RARB: variants seen among roughly 807,000 people sequenced by gnomAD.
RARB encodes HBV-activated protein.
A neutral mutation model predicts 51.9 loss-of-function variants in RARB; 17 were observed. The ratio of observed to expected loss-of-function variants is 0.33; its 90% CI spans 0.22 to 0.49. RARB has a LOEUF of 0.49. Among genes scored for constraint, RARB ranks in the 20% least tolerant of loss-of-function variants. The probability of loss-of-function intolerance (pLI) is 0.99; values close to 1 mark genes in which losing one functional copy is unlikely to be tolerated. For synonymous variants in RARB, 215 were observed against 195.4 expected, an observed-to-expected ratio of 1.10 and a Z score of -0.84; for missense variants, 369 against 550.8, an observed-to-expected ratio of 0.67 and a Z score of 3.30.
chr3:25,071,219 A>G (rs2125308479), intron 3 of RARB, among the ~76,000 whole-genome samples: 1 of 152,352 alleles, frequency 6.6e-6, no homozygotes, highest in Non-Finnish European at 1.5e-5. Context: ...ATATTTATGG[A>G]ATGAATGAAT....
intron 5 of RARB, among the ~76,000 whole-genome samples, chr3:25,339,586 T>G (rs1705162848): frequency 1.3e-5 from 2 of 151,850 alleles, no homozygotes; most frequent in African/African-American, 2.4e-5. Flanking sequence ...CTGAAGTTTT[T>G]TTTTTTTTTT....
chr3:24,888,715 A>G (rs1420125240), intron 2 of RARB, among the ~76,000 whole-genome samples: 1 of 152,198 alleles, frequency 6.6e-6, no homozygotes. Flanking sequence ...ATTGATGGAT[A>G]TAAATATGTC....
chr3:24,883,177 A>G (rs1703201872), intron 2 of RARB, among the ~76,000 whole-genome samples: 1 of 152,202 alleles, frequency 6.6e-6, no homozygotes. Flanking sequence ...AAGCCAGTCA[A>G]TTAAAGCTGA....
intron 2 of RARB, among the ~76,000 whole-genome samples, chr3:24,972,772 T>C (rs1247216691): frequency 1.3e-5 from 2 of 152,072 alleles, no homozygotes; most frequent in African/African-American, 4.8e-5. Context: ...ATATACCCCG[T>C]GGCCATTTGT....
At chr3:25,123,373 C>T (rs901044890) in intron 3 of RARB, among the ~76,000 whole-genome samples, 2 of 152,194 alleles carry the variant, frequency 1.3e-5, no homozygotes, top group Non-Finnish European at 2.9e-5. Flanking sequence ...ATGATTTCCT[C>T]AAAATCATAG....
At chr3:25,502,821 A>C (rs966192083) in intron 3 of RARB, among the ~76,000 whole-genome samples, 1 of 152,222 alleles carries the variant, frequency 6.6e-6, no homozygotes, top group Non-Finnish European at 1.5e-5. Flanking sequence ...AGGACAAAGC[A>C]TGCACTGTAG....
intron 2 of RARB, among the ~76,000 whole-genome samples, chr3:24,921,583 T>C (rs1695217527): frequency 6.6e-6 from 1 of 152,100 alleles, no homozygotes; most frequent in Non-Finnish European, 1.5e-5. Context: ...GATCAACCTT[T>C]CTTCTTTTCT....
At chr3:25,434,479 A>G (rs1006033218) in intron 1 of RARB, among the ~76,000 whole-genome samples, 3 of 151,712 alleles carry the variant, frequency 2.0e-5, no homozygotes, top group African/African-American at 7.3e-5. Context: ...CTCTCCATAT[A>G]GAACAAAACG....
chr3:25,531,458 T>A (rs928292453), intron 3 of RARB, among the ~76,000 whole-genome samples: 1 of 152,096 alleles, frequency 6.6e-6, no homozygotes, highest in Non-Finnish European at 1.5e-5. Context: ...TATATATGTG[T>A]GTTTGTGTGT....
rs573202997 is a variant in RARB at position 25,597,600 on chromosome 3, T to C, written c.*984T>C. Reference sequence around the variant, plus strand: ...TCATGCCTGATATTGGGATTTTTTTTTCCAGCCTTCTTGATGCCAAGGGGC... The same window carrying C: ...TCATGCCTGATATTGGGATTTTTTTCTCCAGCCTTCTTGATGCCAAGGGGC... On this transcript the variant is annotated 3_prime_UTR_variant, in exon 8 of 8. Coordinates refer to ENST00000330688, the MANE Select transcript of RARB (RefSeq NM_000965.5). 6.6e-6 allele frequency: 1 copy of C among 152,650 alleles called. No homozygotes were observed. Among genetic ancestry groups the C allele is most frequent in the Non-Finnish European group, 1.5e-5 (1 of 68,020 alleles). 9.5% of individuals were successfully genotyped at this position (152,650 alleles called of 1,614,324 possible).
Position 25,071,423 on chromosome 3 carries a change from T to G in RARB, c.-328+11247T>G, listed in dbSNP as rs148326396. Among the ~76,000 whole-genome samples, 656 of 152,274 alleles carry G rather than the reference T, an allele frequency of 4.3e-3. 3 individuals carry two copies. Among genetic ancestry groups the G allele is most frequent in the Non-Finnish European group, 6.7e-3 (453 of 68,018 alleles). ...ACCAGAAGGAGAAGTAATATATCTT[T>G]CCCTCCACACCCAAACTAACACTCA... On this transcript the variant is annotated intron_variant, in intron 3 of 11. Coordinates refer to the RARB transcript ENST00000383772.
At chr3:25,087,846 G>T (rs1699129710) in intron 3 of RARB, among the ~76,000 whole-genome samples, 1 of 151,472 alleles carries the variant, frequency 6.6e-6, no homozygotes, top group South Asian at 2.1e-4. Context: ...TGCTTGCTTT[G>T]CCCTGTGATG....
At chr3:25,096,598 G>A (rs1489510336) in intron 3 of RARB, among the ~76,000 whole-genome samples, 1 of 152,072 alleles carries the variant, frequency 6.6e-6, no homozygotes, top group Non-Finnish European at 1.5e-5. Flanking sequence ...GTTTCCCTCA[G>A]GTAGTGAGGA....
chr3:25,205,513 T>C (rs67076259), intron 5 of RARB, among the ~76,000 whole-genome samples: 21,894 of 152,076 alleles, frequency 0.14, 1,717 homozygotes, highest in Non-Finnish European at 0.17. Context: ...TCTTCTGCGT[T>C]GCTCACTCTG....
chr3:24,853,522 T>C (rs187076885), intron 1 of RARB, among the ~76,000 whole-genome samples: 29 of 152,294 alleles, frequency 1.9e-4, no homozygotes, highest in Admixed American at 1.8e-3. Flanking sequence ...CAGCAAGCTT[T>C]ACCCTGAAAC....
At chr3:25,298,588 C>A (rs1008780452) in intron 5 of RARB, among the ~76,000 whole-genome samples, 1 of 151,988 alleles carries the variant, frequency 6.6e-6, no homozygotes, top group Non-Finnish European at 1.5e-5. Context: ...GTTAAGCTGG[C>A]CTCTAATTTT....
intron 5 of RARB, among the ~76,000 whole-genome samples, chr3:25,201,878 T>G (rs1377391381): frequency 1.4e-5 from 2 of 144,544 alleles, no homozygotes; most frequent in Non-Finnish European, 3.0e-5. Flanking sequence ...TCAGGGATAT[T>G]GGTCTACAAT....
rs1369460762 is a variant in RARB, at chr3:25,034,903, C to T, written c.-379-25222C>T. 5.3e-5 allele frequency among the ~76,000 whole-genome samples: 8 copies of T among 152,222 alleles called. No homozygotes were observed. In the East Asian group the frequency reaches 9.6e-4, roughly 18 times the overall value. On this transcript the variant is annotated intron_variant, in intron 2 of 11. Coordinates refer to the RARB transcript ENST00000383772. ...GGCAACTGCAGCTGGAGCTCAGTGG[C>T]AGCTGCTCACTTTACACAAAGTGCT...
chr3:25,302,143 A>G (rs1704055721), intron 5 of RARB, among the ~76,000 whole-genome samples: 1 of 152,254 alleles, frequency 6.6e-6, no homozygotes, highest in Admixed American at 6.5e-5. Flanking sequence ...GTTAGCAAGG[A>G]TGAGGAGAAT....
Sources: allele counts gnomAD v4.1 joint callset (sites outside exome capture counted in the v4.1 genomes callset), GRCh38; gene constraint gnomAD v4.1.1; transcripts MANE v1.5; gene names NCBI Gene and HGNC (gene_info 2026-07-23, HGNC 2026-07-21).